CNTNAP2: variants seen among roughly 807,000 people sequenced by gnomAD.
CNTNAP2 encodes contactin associated protein 2, also known as contactin-associated protein-like 2.
In CNTNAP2, 98 loss-of-function variants were observed where a neutral mutation model predicts 155.2. The ratio of observed to expected loss-of-function variants is 0.63; its 90% confidence interval spans 0.54 to 0.75. The LOEUF is 0.75. CNTNAP2 is among the 30% of genes least tolerant of loss of function. The pLI, the probability that CNTNAP2 is intolerant of heterozygous loss-of-function variation, is 0.00. For synonymous variants in CNTNAP2, 651 were observed against 631.2 expected, an observed-to-expected ratio of 1.03 and a Z score of -0.47; for missense variants, 1,727 against 1,688.1, an observed-to-expected ratio of 1.02 and a Z score of -0.40.
intron 14 of CNTNAP2, among the ~76,000 whole-genome samples, chr7:147,957,315 C>A (rs951615046): frequency 6.6e-6 from 1 of 151,850 alleles, no homozygotes; most frequent in Admixed American, 6.6e-5. Context: ...TTACAGTGAA[C>A]CTTGGAATCT....
intron 1 of CNTNAP2, among the ~76,000 whole-genome samples, chr7:146,423,714 C>T (rs1296846023): frequency 1.3e-5 from 2 of 152,170 alleles, no homozygotes; most frequent in Non-Finnish European, 2.9e-5. Flanking sequence ...CATGGTATTC[C>T]TTTACACTTA....
chr7:148,329,266 C>G (rs1295537616), intron 21 of CNTNAP2, among the ~76,000 whole-genome samples: 1 of 152,110 alleles, frequency 6.6e-6, no homozygotes. Context: ...TTTATATGGT[C>G]TAGATTAGAA....
intron 2 of CNTNAP2, among the ~76,000 whole-genome samples, chr7:146,818,702 A>G (rs886381722): frequency 3.4e-4 from 51 of 152,164 alleles, no homozygotes; most frequent in African/African-American, 1.2e-3. Context: ...GTGTATTATG[A>G]CATGTGACCA....
chr7:146,170,607 T>C (rs1453752196), intron 1 of CNTNAP2, among the ~76,000 whole-genome samples: 1 of 152,056 alleles, frequency 6.6e-6, no homozygotes, highest in Non-Finnish European at 1.5e-5. Context: ...TATGAAAATA[T>C]TAAGAAAACT....
At position 146,352,759 on chromosome 7, in the gene CNTNAP2, T is replaced by TTTTTTTTC. The variant is rs1794936516; in HGVS notation, c.97+235793_97+235794insCTTTTTTT. Among the ~76,000 whole-genome samples the TTTTTTTTC allele has an allele frequency of 8.7e-5, 11 of 126,716 alleles. 2 individuals are homozygous for TTTTTTTTC. The South Asian group carries it at 1.3e-3, about 14-fold the overall frequency. The allele number at this position is 126,716 out of a possible 152,430, so 83.1% of individuals were successfully genotyped here. A position where few individuals can be genotyped will look rare whatever the true frequency, so the allele number is the denominator to read the frequency against. Reference sequence around the variant, plus strand: ...CAATTAGCATAATTCTGTTTTTTTTTTTTTTTTTTTTTCGAGACAGAGTCT... The same window carrying TTTTTTTTC: ...CAATTAGCATAATTCTGTTTTTTTTTTTTTTTTCTTTTTTTTTTTTCGAGACAGAGTCT... On this transcript the variant is annotated intron_variant, in intron 1 of 23. Transcript: ENST00000361727.
At chr7:148,233,686 A>C (rs1796000648) in intron 20 of CNTNAP2, among the ~76,000 whole-genome samples, 1 of 152,250 alleles carries the variant, frequency 6.6e-6, no homozygotes, top group African/African-American at 2.4e-5. Flanking sequence ...CGTGCTAAGC[A>C]CTTTAGACAC....
chr7:146,775,941 C>G (rs1337032931), intron 2 of CNTNAP2, among the ~76,000 whole-genome samples: 1 of 152,010 alleles, frequency 6.6e-6, no homozygotes, highest in African/African-American at 2.4e-5. Context: ...TTTTTATAAC[C>G]TGATATTCAT....
At chr7:148,396,454 A>G (rs1479154638) in intron 22 of CNTNAP2, among the ~76,000 whole-genome samples, 2 of 152,140 alleles carry the variant, frequency 1.3e-5, no homozygotes, top group African/African-American at 2.4e-5. Flanking sequence ...CACTTCTTTT[A>G]CGGCCTCATT....
intron 8 of CNTNAP2, among the ~76,000 whole-genome samples, chr7:147,229,846 A>G (rs987077457): frequency 1.3e-5 from 2 of 152,234 alleles, no homozygotes; most frequent in Non-Finnish European, 2.9e-5. Flanking sequence ...CAGATTTGAA[A>G]GAAAATAACG....
chr7:146,659,776 C>T (rs756654444), intron 1 of CNTNAP2, among the ~76,000 whole-genome samples: 12 of 152,186 alleles, frequency 7.9e-5, no homozygotes, highest in Non-Finnish European at 1.6e-4. Flanking sequence ...TCTTATCAGC[C>T]CTTTTCAGGA....
At chr7:147,931,943 T>C (rs1419934374) in intron 14 of CNTNAP2, among the ~76,000 whole-genome samples, 1 of 152,104 alleles carries the variant, frequency 6.6e-6, no homozygotes, top group Non-Finnish European at 1.5e-5. Flanking sequence ...TGGAGTGCAG[T>C]GGTGCGATCT....
intron 1 of CNTNAP2, among the ~76,000 whole-genome samples, chr7:146,648,936 T>G (rs1055190419): frequency 7.2e-5 from 11 of 152,088 alleles, no homozygotes; most frequent in African/African-American, 2.4e-4. Flanking sequence ...AATCTAATTG[T>G]TGGCGGACAG....
intron 4 of CNTNAP2, among the ~76,000 whole-genome samples, chr7:147,091,304 G>A (rs920586401): frequency 6.6e-6 from 1 of 151,918 alleles, no homozygotes; most frequent in Non-Finnish European, 1.5e-5. Flanking sequence ...ACTCAACTAC[G>A]TATTTCTTCG....
Position 147,561,740 on chromosome 7 carries a change from G to A in CNTNAP2, c.1778-398G>A, listed in dbSNP as rs550210988. Among the ~76,000 whole-genome samples, 3 of 152,190 alleles carry A rather than the reference G, an allele frequency of 2.0e-5. No individual in the cohort carries two copies. The South Asian group carries it at 6.2e-4, about 32-fold the overall frequency. ...AAGAGAGAGGCAGAGAGAGTGAAGGGTAATTTTTCCTGGCCTCTTAGTTCA... is the reference window on the plus strand; with the variant it reads ...AAGAGAGAGGCAGAGAGAGTGAAGGATAATTTTTCCTGGCCTCTTAGTTCA... On this transcript the variant is annotated intron_variant, in intron 11 of 23. Coordinates refer to ENST00000361727, the MANE Select transcript of CNTNAP2 (RefSeq NM_014141.6).
intron 1 of CNTNAP2, among the ~76,000 whole-genome samples, chr7:146,623,411 C>T (rs1799366545): frequency 6.6e-6 from 1 of 152,168 alleles, no homozygotes; most frequent in Non-Finnish European, 1.5e-5. Flanking sequence ...TAAAAAAATG[C>T]CCTGTGCTTT....
At position 146,892,540 on chromosome 7, in the gene CNTNAP2, C is replaced by T. The variant is rs534511556; in HGVS notation, c.402+52636C>T. On this transcript the variant is annotated intron_variant, in intron 3 of 23. Transcript: ENST00000361727. The stretch of plus-strand genomic sequence containing the variant: ...GAGATAAGAGACAAGGAAGTATAAT[C>T]GGTTATGGTGACTGCCTATCTAGTC... 1.4e-3 allele frequency among the ~76,000 whole-genome samples: 220 copies of T among 152,254 alleles called. 1 individual carries two copies. Among genetic ancestry groups the T allele is most frequent in the Non-Finnish European group, 1.3e-3 (88 of 68,008 alleles).
At chr7:148,125,689 GTA>G (rs200514458) in intron 16 of CNTNAP2, among the ~76,000 whole-genome samples, 10,966 of 118,168 alleles carry the variant, frequency 0.093, 837 homozygotes, top group East Asian at 0.28. Context: ...GTGTGTGTGT[GTA>G]TATATATATA....
At chr7:146,475,011 GCGCACA>G (rs952727721) in intron 1 of CNTNAP2, among the ~76,000 whole-genome samples, 55 of 134,762 alleles carry the variant, frequency 4.1e-4, no homozygotes, top group African/African-American at 1.2e-3. Flanking sequence ...GCGCGCGCGC[GCGCACA>G]CACACACACA....
intron 3 of CNTNAP2, among the ~76,000 whole-genome samples, chr7:146,975,998 A>G (rs1170820147): frequency 6.6e-6 from 1 of 152,200 alleles, no homozygotes; most frequent in Non-Finnish European, 1.5e-5. Context: ...ATGAGCGAAG[A>G]AACCGGTATG....
Sources: gnomAD v4.1 joint callset for allele counts (sites outside exome capture counted in the v4.1 genomes callset) on GRCh38, gnomAD v4.1.1 for gene constraint, MANE v1.5 for transcripts, NCBI Gene and HGNC (gene_info 2026-07-23, HGNC 2026-07-21) for gene names.